The following PDE4B variants were observed in gnomAD, a reference collection of about 807,000 sequenced individuals.
The protein encoded by PDE4B is 3',5'-cyclic-AMP phosphodiesterase 4B.
A neutral mutation model predicts 82.2 loss-of-function variants in PDE4B; 20 were observed. The ratio of observed to expected loss-of-function variants is 0.24; its 90% confidence interval spans 0.17 to 0.35. PDE4B has a LOEUF of 0.35. Ranked by LOEUF, PDE4B falls within the 10% of genes least tolerant of loss-of-function variation. The pLI is 1.00. For synonymous variants in PDE4B, 320 were observed against 318.9 expected (o/e 1.00, Z -0.04); for missense variants, 655 against 907.2 (o/e 0.72, Z 3.57).
intron 1 of PDE4B, among the ~76,000 whole-genome samples, chr1:65,888,960 C>G (rs1005014179): frequency 3.3e-5 from 5 of 152,084 alleles, no homozygotes; most frequent in African/African-American, 1.2e-4. Flanking sequence ...CTGGCTAGGA[C>G]TTCCAATACT....
At chr1:66,253,838 T>G (rs573928653) in intron 4 of PDE4B, among the ~76,000 whole-genome samples, 1 of 152,366 alleles carries the variant, frequency 6.6e-6, no homozygotes, top group South Asian at 2.1e-4. Context: ...TCAAATTGTT[T>G]AAGGGAACCA....
chr1:66,310,493 C>T (rs1030206288), intron 7 of PDE4B, among the ~76,000 whole-genome samples: 1 of 152,114 alleles, frequency 6.6e-6, no homozygotes, highest in Non-Finnish European at 1.5e-5. Context: ...ATAATAGTTA[C>T]TCAGAAAAAA....
intron 7 of PDE4B, among the ~76,000 whole-genome samples, chr1:66,305,937 G>C (rs1658242332): frequency 6.6e-6 from 1 of 152,074 alleles, no homozygotes; most frequent in South Asian, 2.1e-4. Context: ...AATCAGCTTG[G>C]ATCATGACAA....
intron 3 of PDE4B, among the ~76,000 whole-genome samples, chr1:65,931,816 G>C (rs1377873158): frequency 6.6e-6 from 1 of 152,186 alleles, no homozygotes; most frequent in East Asian, 1.9e-4. Context: ...GAGAGTAAAA[G>C]AGTTGGACCA....
In PDE4B at chr1:65,982,209, T is replaced by C. The variant is rs553046458; in HGVS notation, c.281+63374T>C. ...AAACTGGAGGAACGGTGATCCTTAT[T>C]ATAAAATAGAAAAGAACGTGGCCTA... On this transcript the variant is annotated intron_variant, in intron 3 of 16. Coordinates refer to ENST00000341517, the MANE Select transcript of PDE4B (RefSeq NM_002600.4). Among the ~76,000 whole-genome samples, 15 of 152,308 alleles carry C rather than the reference T, an allele frequency of 9.8e-5. No individual in the cohort carries two copies. The East Asian group carries it at 1.7e-3, about 18-fold the overall frequency.
chr1:66,286,318 G>A (rs1656672593), intron 7 of PDE4B, among the ~76,000 whole-genome samples: 2 of 152,100 alleles, frequency 1.3e-5, no homozygotes, highest in African/African-American at 2.4e-5. Context: ...TGAATCACAG[G>A]TGAGGGAGTG....
intron 7 of PDE4B, among the ~76,000 whole-genome samples, chr1:66,291,696 G>A (rs1303037401): frequency 6.6e-6 from 1 of 152,146 alleles, no homozygotes; most frequent in Non-Finnish European, 1.5e-5. Context: ...GCTGACACAT[G>A]TGACAGCATA....
intron 3 of PDE4B, among the ~76,000 whole-genome samples, chr1:65,988,855 T>C (rs1041510880): frequency 3.3e-5 from 5 of 152,140 alleles, no homozygotes; most frequent in African/African-American, 1.2e-4. Context: ...AGAAAATTTA[T>C]TCCAGGTCAA....
At position 66,266,050 on chromosome 1, in the gene PDE4B, T is replaced by A; in HGVS notation, c.597T>A (p.Ala199=). ...LHGTSNKRSP[A]ASQPPVSRVN... is the part of the protein sequence containing the mutation. ...TCTGTCTCCACAGGAGGTCCCCAGC[T>A]GCTAGTCAGCCTCCTGTCTCCAGAG... Residue 199 remains alanine, a synonymous_variant, in exon 7 of 17, where the codon GCT becomes GCA. Coordinates refer to ENST00000341517, the MANE Select transcript of PDE4B (RefSeq NM_002600.4). 1 of 1,613,512 alleles carries A rather than the reference T, an allele frequency of 6.2e-7. No homozygotes were observed. The highest frequency in any genetic ancestry group is 8.5e-7 in the Non-Finnish European group (1 of 1,179,444).
At chr1:66,281,695 C>T (rs1261002123) in intron 7 of PDE4B, among the ~76,000 whole-genome samples, 1 of 152,204 alleles carries the variant, frequency 6.6e-6, no homozygotes, top group African/African-American at 2.4e-5. Flanking sequence ...GTTTCAAATA[C>T]AAGGCATGGG....
chr1:65,806,791 T>A (rs1209752395), intron 1 of PDE4B, among the ~76,000 whole-genome samples: 6 of 152,204 alleles, frequency 3.9e-5, no homozygotes, highest in Admixed American at 2.6e-4. Flanking sequence ...TTTCTTAGAT[T>A]TCCTTGTGAC....
At chr1:66,210,595 CA>C (rs35825766) in intron 3 of PDE4B, among the ~76,000 whole-genome samples, 217 of 45,816 alleles carry the variant, frequency 4.7e-3, no homozygotes, top group African/African-American at 0.014. Flanking sequence ...GACTCCATCT[CA>C]AAAAAAAAAA....
chr1:66,015,768 G>A (rs1015163093), intron 3 of PDE4B, among the ~76,000 whole-genome samples: 9 of 151,966 alleles, frequency 5.9e-5, no homozygotes, highest in Non-Finnish European at 8.8e-5. Context: ...AAAGGTGGGG[G>A]GTGTTTGATT....
chr1:65,875,476 A>G (rs1646628594), intron 1 of PDE4B, among the ~76,000 whole-genome samples: 1 of 145,222 alleles, frequency 6.9e-6, no homozygotes, highest in Admixed American at 7.0e-5. Flanking sequence ...ACTATAAATC[A>G]TGCTGCTATA....
At chr1:66,032,037 T>C (rs1022052899) in intron 3 of PDE4B, among the ~76,000 whole-genome samples, 12 of 152,194 alleles carry the variant, frequency 7.9e-5, no homozygotes, top group Admixed American at 1.3e-4. Context: ...AGTTCTGAGA[T>C]AGAGCTGATC....
chr1:65,938,863 G>A (rs1309157710), intron 3 of PDE4B, among the ~76,000 whole-genome samples: 2 of 152,122 alleles, frequency 1.3e-5, no homozygotes, highest in Non-Finnish European at 2.9e-5. Context: ...TATCCTGAGG[G>A]CATTGGTGAG....
intron 3 of PDE4B, among the ~76,000 whole-genome samples, chr1:66,117,970 C>T (rs1168872662): frequency 6.6e-6 from 1 of 152,176 alleles, no homozygotes; most frequent in African/African-American, 2.4e-5. Flanking sequence ...TCTCTAGCAC[C>T]TGTGGTTTCC....
At position 66,260,442 on chromosome 1, in the gene PDE4B, G is replaced by C. The variant is rs12754359; in HGVS notation, c.584+2579G>C. Among the ~76,000 whole-genome samples the C allele has an allele frequency of 1.7e-3, 246 of 148,350 alleles. 1 individual carries two copies. Among genetic ancestry groups the C allele is most frequent in the Non-Finnish European group, 2.5e-3 (167 of 68,002 alleles). On this transcript the variant is annotated intron_variant, in intron 6 of 16. Coordinates refer to ENST00000341517, the MANE Select transcript of PDE4B (RefSeq NM_002600.4). ...GTCAGAAAGCCTGAAGACAGAGACA[G>C]TAGCTAAAACAATATTTTCAGGAAT...
At chr1:65,858,250 A>C (rs1199412564) in intron 1 of PDE4B, among the ~76,000 whole-genome samples, 1 of 152,192 alleles carries the variant, frequency 6.6e-6, no homozygotes, top group African/African-American at 2.4e-5. Context: ...AGAAGATTTA[A>C]ATTCATATAA....
Sources: allele counts gnomAD v4.1 joint callset (sites outside exome capture counted in the v4.1 genomes callset), GRCh38; gene constraint gnomAD v4.1.1; transcripts MANE v1.5; gene names NCBI Gene and HGNC (gene_info 2026-07-23, HGNC 2026-07-21).